Variants in IDE observed in about 807,000 individuals in gnomAD.
IDE encodes insulin degrading enzyme.
A neutral mutation model predicts 133.2 loss-of-function variants in IDE; 58 were observed. The observed-to-expected ratio is 0.44, with a 90% CI of 0.35 to 0.54. IDE has a LOEUF of 0.54. Among genes scored for constraint, IDE ranks in the 20% least tolerant of loss-of-function variants. IDE has a pLI of 0.00. For missense variants in IDE, 981 were observed against 1,234.0 expected (o/e 0.79, Z 3.07); for synonymous variants, 396 against 421.3 (o/e 0.94, Z 0.73).
At position 92,523,375 on chromosome 10, in the gene IDE, T is replaced by C. The variant is rs77100553; in HGVS notation, c.662-8333A>G. 6.5e-3 allele frequency among the ~76,000 whole-genome samples: 993 copies of C among 151,852 alleles called. 7 individuals are homozygous for C. The highest frequency in any genetic ancestry group is 0.017 in the South Asian group (82 of 4,812). On this transcript the variant is annotated intron_variant, in intron 4 of 24. Coordinates refer to ENST00000265986, the MANE Select transcript of IDE (RefSeq NM_004969.4). ...CAGTCTGAATGACAGAAGGAAACCC[T>C]GTCTCAAAGAAAGAAAAGAAAAGAA... is the stretch of plus-strand genomic sequence containing the variant.
intron 11 of IDE, among the ~76,000 whole-genome samples, chr10:92,496,480 A>G (rs79658120): frequency 0.14 from 20,818 of 152,120 alleles, 1,857 homozygotes; most frequent in African/African-American, 0.24. Context: ...TAGGTGAATG[A>G]GCCAAGTATG....
chr10:92,522,819 G>A (rs111951425), intron 4 of IDE, among the ~76,000 whole-genome samples: 121 of 152,220 alleles, frequency 7.9e-4, no homozygotes, highest in African/African-American at 2.9e-3. Flanking sequence ...AGAATTATTA[G>A]AAATTAAATA....
rs374667709 is a variant in IDE at position 92,463,861 on chromosome 10, C to T, written c.2631G>A (p.Met877Ile). Residue 877 changes from methionine to isoleucine, a missense_variant, in exon 21 of 25, where the codon ATG (methionine) becomes ATA (isoleucine). Coordinates refer to ENST00000265986, the MANE Select transcript of IDE (RefSeq NM_004969.4). ...TGTGTTTTTGGAAGGCCTCTTCTGT[C>T]ATGTCCTCTATGGACTTTTCCATGG... ...LITMEKSIEDMTEEAFQKHIQ... is the reference protein window; with the variant it reads ...LITMEKSIEDITEEAFQKHIQ... 51 of 1,614,102 alleles carry T rather than the reference C, an allele frequency of 3.2e-5. No individual in the cohort carries two copies. Among genetic ancestry groups the T allele is most frequent in the African/African-American group, 4.0e-5 (3 of 74,930 alleles).
At chr10:92,535,304 C>T (rs552721317) in intron 2 of IDE, among the ~76,000 whole-genome samples, 3 of 152,068 alleles carry the variant, frequency 2.0e-5, no homozygotes, top group Non-Finnish European at 4.4e-5. Flanking sequence ...GGGGTTTCAC[C>T]GTGTTAGCCA....
At chr10:92,473,284 A>AT (rs1846072984) in intron 17 of IDE, among the ~76,000 whole-genome samples, 2 of 152,132 alleles carry the variant, frequency 1.3e-5, no homozygotes, top group Admixed American at 6.6e-5. Flanking sequence ...AGGAAGAAAG[A>AT]TTAATTGGCG....
At chr10:92,476,845 T>C (rs1846282476) in intron 15 of IDE, among the ~76,000 whole-genome samples, 1 of 152,174 alleles carries the variant, frequency 6.6e-6, no homozygotes, top group Non-Finnish European at 1.5e-5. Context: ...GGTAAGAAGA[T>C]AAAAATCACA....
intron 1 of IDE, among the ~76,000 whole-genome samples, chr10:92,564,202 C>T (rs1843412374): frequency 6.6e-6 from 1 of 152,090 alleles, no homozygotes; most frequent in Non-Finnish European, 1.5e-5. Context: ...AATTTGAGAA[C>T]CAGGAAACAG....
In IDE at chr10:92,482,111, G is replaced by GA. The variant is rs1161899928; in HGVS notation, c.1739+1143dup. ...TATAATCTCAACATATTTGTTGATG[G>GA]AAAATCAAATTCCTTTCCCTCTTTC... On this transcript the variant is annotated intron_variant, in intron 14 of 24. Coordinates refer to ENST00000265986, the MANE Select transcript of IDE (RefSeq NM_004969.4). Among the ~76,000 whole-genome samples, 5 of 152,054 alleles carry GA rather than the reference G, an allele frequency of 3.3e-5. No individual in the cohort carries two copies. The East Asian group carries it at 9.6e-4, about 29-fold the overall frequency.
At chr10:92,516,027 G>C (rs1848905074) in intron 4 of IDE, among the ~76,000 whole-genome samples, 1 of 151,446 alleles carries the variant, frequency 6.6e-6, no homozygotes, top group South Asian at 2.1e-4. Flanking sequence ...AAATTAGCCA[G>C]GCGTGGTGGC....
At chr10:92,461,361 A>G (rs1184489468) in intron 21 of IDE, 109 bp from the exon 22 acceptor site, 7 of 508,138 alleles carry the variant, frequency 1.4e-5, no homozygotes, top group South Asian at 1.2e-4. Flanking sequence ...GTATCCATAT[A>G]TATTTTTTTT....
At chr10:92,549,310 C>G (rs951853246) in intron 1 of IDE, among the ~76,000 whole-genome samples, 1 of 151,908 alleles carries the variant, frequency 6.6e-6, no homozygotes, top group African/African-American at 2.4e-5. Flanking sequence ...GATGAAAGAC[C>G]CTAGCTTATA....
intron 16 of IDE, 105 bp downstream of exon 16, chr10:92,475,779 T>C: frequency 1.8e-6 from 1 of 560,084 alleles, no homozygotes; most frequent in South Asian, 2.6e-5. Flanking sequence ...TATGAATTCT[T>C]CTTTTCCTCC....
At chr10:92,510,493 A>C (rs893418817) in intron 5 of IDE, among the ~76,000 whole-genome samples, 1 of 152,058 alleles carries the variant, frequency 6.6e-6, no homozygotes, top group African/African-American at 2.4e-5. Flanking sequence ...TAGACAGAGA[A>C]TTGCCTTCTA....
At chr10:92,468,161 TGAA>T (rs1411280453) in intron 19 of IDE, among the ~76,000 whole-genome samples, 2 of 151,922 alleles carry the variant, frequency 1.3e-5, no homozygotes, top group African/African-American at 2.4e-5. Flanking sequence ...CACTGGCCCA[TGAA>T]GAAGAAGGGG....
chr10:92,501,069 GAA>G (rs1238759189), intron 11 of IDE, among the ~76,000 whole-genome samples: 4 of 148,686 alleles, frequency 2.7e-5, no homozygotes, highest in African/African-American at 9.9e-5. Flanking sequence ...AAGAAAAAAA[GAA>G]AAAAAAGGCC....
chr10:92,503,326 T>TA (rs1210003501), intron 11 of IDE, among the ~76,000 whole-genome samples: 2 of 152,102 alleles, frequency 1.3e-5, no homozygotes, highest in South Asian at 2.1e-4. Context: ...TATCATAATA[T>TA]AAAAAAATCA....
chr10:92,510,366 T>C (rs565568905), intron 5 of IDE, among the ~76,000 whole-genome samples: 1 of 152,134 alleles, frequency 6.6e-6, no homozygotes, highest in African/African-American at 2.4e-5. Flanking sequence ...AGTATTATAA[T>C]AAAATTAAAA....
chr10:92,503,546 A>G (rs1848139884), intron 11 of IDE, among the ~76,000 whole-genome samples: 1 of 152,166 alleles, frequency 6.6e-6, no homozygotes, highest in African/African-American at 2.4e-5. Flanking sequence ...GACAATAGAT[A>G]GGCCAAGCCC....
At chr10:92,486,368 T>C (rs192018401) in intron 13 of IDE, among the ~76,000 whole-genome samples, 12 of 151,714 alleles carry the variant, frequency 7.9e-5, no homozygotes, top group African/African-American at 2.9e-4. Context: ...GAAAAGAAAA[T>C]AAAGAAAAAT....
Sources: allele counts gnomAD v4.1 joint callset (sites outside exome capture counted in the v4.1 genomes callset), GRCh38; gene constraint gnomAD v4.1.1; transcripts MANE v1.5; gene names NCBI Gene and HGNC (gene_info 2026-07-23, HGNC 2026-07-21).